HS2ST1: variants seen among roughly 807,000 people sequenced by gnomAD.
HS2ST1 encodes the protein heparan sulfate 2-O-sulfotransferase 1, also known as 2-O-sulfotransferase.
Under a neutral mutation model 42.9 loss-of-function variants are expected in HS2ST1, and 18 were observed. The ratio of observed to expected loss-of-function variants is 0.42; its 90% CI spans 0.29 to 0.62. HS2ST1 has a LOEUF of 0.62. Among genes scored for constraint, HS2ST1 ranks in the 20% least tolerant of loss-of-function variants. The probability of loss-of-function intolerance (pLI) is 0.21; values close to 1 mark genes in which losing one functional copy is unlikely to be tolerated. For synonymous variants in HS2ST1, 146 were observed against 152.9 expected, an observed-to-expected ratio of 0.95 and a Z score of 0.33; for missense variants, 334 against 433.8, an observed-to-expected ratio of 0.77 and a Z score of 2.04.
At chr1:86,917,207 A>G (rs1203162547) in intron 1 of HS2ST1, among the ~76,000 whole-genome samples, 5 of 152,170 alleles carry the variant, frequency 3.3e-5, no homozygotes, top group African/African-American at 9.7e-5. Context: ...ACTCGTGTTT[A>G]AAGTAAGAAC....
At chr1:86,933,706 A>ATTTTT (rs58580477) in intron 1 of HS2ST1, among the ~76,000 whole-genome samples, 2 of 129,196 alleles carry the variant, frequency 1.5e-5, no homozygotes, top group African/African-American at 5.9e-5. Flanking sequence ...ATGCCTTGTA[A>ATTTTT]TTTTTTTTTT....
intron 1 of HS2ST1, among the ~76,000 whole-genome samples, chr1:87,000,367 G>C (rs1386429381): frequency 6.6e-6 from 1 of 152,158 alleles, no homozygotes; most frequent in African/African-American, 2.4e-5. Context: ...AATGGAAACT[G>C]ACACAGCAAT....
At chr1:87,025,689 G>A (rs1267304740) in intron 1 of HS2ST1, among the ~76,000 whole-genome samples, 1 of 152,114 alleles carries the variant, frequency 6.6e-6, no homozygotes, top group Non-Finnish European at 1.5e-5. Context: ...TTTCAGAAAG[G>A]ATGACTGAGT....
At chr1:87,025,850 T>C (rs1002481073) in intron 1 of HS2ST1, among the ~76,000 whole-genome samples, 4 of 152,210 alleles carry the variant, frequency 2.6e-5, no homozygotes, top group African/African-American at 9.6e-5. Context: ...GAATGTAACA[T>C]GAATTAAAAA....
intron 2 of HS2ST1, among the ~76,000 whole-genome samples, chr1:87,083,371 C>G (rs780929011): frequency 1.3e-4 from 20 of 152,170 alleles, no homozygotes; most frequent in Non-Finnish European, 2.8e-4. Flanking sequence ...CCCCCACTTT[C>G]TGCACTCTAT....
At position 87,065,981 on chromosome 1, in the gene HS2ST1, C is replaced by T. The variant is rs190634098; in HGVS notation, c.125-6953C>T. On this transcript the variant is annotated intron_variant, in intron 1 of 6. Coordinates refer to ENST00000370550, the MANE Select transcript of HS2ST1 (RefSeq NM_012262.4). The stretch of plus-strand genomic sequence containing the variant: ...TCTCTTTGCTGTTTCTTATATCCCT[C>T]TCGTCCTAAAATGTTACCCATAATA... Among the ~76,000 whole-genome samples the T allele has an allele frequency of 3.9e-5, 6 of 152,262 alleles. No individual in the cohort carries two copies. The East Asian group carries it at 1.2e-3, about 29-fold the overall frequency.
chr1:87,063,367 C>T (rs1048801187), intron 1 of HS2ST1, among the ~76,000 whole-genome samples: 3 of 152,108 alleles, frequency 2.0e-5, no homozygotes, highest in Admixed American at 6.5e-5. Context: ...GACAAAGTCT[C>T]GCTCTGTTGC....
chr1:87,039,243 C>A (rs984219646), intron 1 of HS2ST1, among the ~76,000 whole-genome samples: 2 of 152,176 alleles, frequency 1.3e-5, no homozygotes, highest in Non-Finnish European at 2.9e-5. Context: ...AGTATCTTGG[C>A]AGTTCTGGAA....
intron 1 of HS2ST1, among the ~76,000 whole-genome samples, chr1:86,989,830 C>T (rs990402113): frequency 1.3e-5 from 2 of 152,094 alleles, no homozygotes; most frequent in Non-Finnish European, 1.5e-5. Flanking sequence ...GTTTGGTTTT[C>T]TGTTTTTGTG....
chr1:87,095,224 T>C lies in HS2ST1; in HGVS notation c.588+2555T>C, dbSNP rs557190927. On this transcript the variant is annotated intron_variant, in intron 4 of 6. Coordinates refer to ENST00000370550, the MANE Select transcript of HS2ST1 (RefSeq NM_012262.4). ...AAGCTGGACAGGTTTTAGAAAGATA[T>C]TGGGTGTTAAAGGGTGGCCATGATT... Among the ~76,000 whole-genome samples, 186 of 152,264 alleles carry C rather than the reference T, an allele frequency of 1.2e-3. 1 individual carries two copies. The highest frequency in any genetic ancestry group is 4.1e-3 in the African/African-American group (172 of 41,572).
At chr1:86,927,100 G>T (rs970467519) in intron 1 of HS2ST1, among the ~76,000 whole-genome samples, 1 of 152,046 alleles carries the variant, frequency 6.6e-6, no homozygotes. Context: ...ATTCTTGCTG[G>T]GTGTGGCTGG....
At chr1:86,937,785 G>C (rs1158183377) in intron 1 of HS2ST1, among the ~76,000 whole-genome samples, 1 of 145,026 alleles carries the variant, frequency 6.9e-6, no homozygotes, top group Non-Finnish European at 1.5e-5. Context: ...TTTTTTTTCT[G>C]GTAGCTATAT....
At chr1:86,969,475 G>T (rs563191897) in intron 1 of HS2ST1, among the ~76,000 whole-genome samples, 3 of 152,104 alleles carry the variant, frequency 2.0e-5, no homozygotes, top group Non-Finnish European at 4.4e-5. Context: ...TCATTTCAGC[G>T]TGAAGGTTGG....
chr1:86,955,030 C>T (rs1000959985), intron 1 of HS2ST1, among the ~76,000 whole-genome samples: 1 of 151,840 alleles, frequency 6.6e-6, no homozygotes, highest in Non-Finnish European at 1.5e-5. Context: ...CTGGGGAGAT[C>T]GAGGCTGCAG....
intron 1 of HS2ST1, among the ~76,000 whole-genome samples, chr1:86,945,834 C>G (rs1472362117): frequency 6.6e-6 from 1 of 152,056 alleles, no homozygotes; most frequent in Non-Finnish European, 1.5e-5. Flanking sequence ...TTTGGAAGGG[C>G]GAGGCAGGTG....
intron 1 of HS2ST1, chr1:86,993,116 T>G (rs901100409): frequency 3.8e-5 from 61 of 1,602,012 alleles, no homozygotes; most frequent in Non-Finnish European, 5.1e-5. Flanking sequence ...CTCGAAGTAT[T>G]CAGTATGCCA....
intron 3 of HS2ST1, among the ~76,000 whole-genome samples, chr1:87,091,228 A>C (rs559743840): frequency 6.6e-6 from 1 of 152,038 alleles, no homozygotes; most frequent in Admixed American, 6.6e-5. Context: ...ATGTAGAAAA[A>C]AGAAAAATGA....
At chr1:87,099,228 G>T (rs1652143208) in intron 5 of HS2ST1, among the ~76,000 whole-genome samples, 1 of 152,164 alleles carries the variant, frequency 6.6e-6, no homozygotes, top group Admixed American at 6.5e-5. Flanking sequence ...TTACTGTAAA[G>T]TACTACCTGA....
chr1:87,100,371 A>G (rs1359859459), intron 5 of HS2ST1, among the ~76,000 whole-genome samples: 8 of 152,086 alleles, frequency 5.3e-5, no homozygotes, highest in Non-Finnish European at 1.2e-4. Flanking sequence ...CTGGAACTGG[A>G]GTGGCCGGGA....
Sources: allele counts gnomAD v4.1 joint callset (sites outside exome capture counted in the v4.1 genomes callset), GRCh38; gene constraint gnomAD v4.1.1; transcripts MANE v1.5; gene names NCBI Gene and HGNC (gene_info 2026-07-23, HGNC 2026-07-21).